FBXL17: variants seen among roughly 807,000 people sequenced by gnomAD.
FBXL17 encodes F-box/LRR-repeat protein 17.
In FBXL17, 22 loss-of-function variants were observed where a neutral mutation model predicts 66.2. That is an observed-to-expected ratio of 0.33 (90% CI 0.24 to 0.47). FBXL17 has a LOEUF of 0.47. FBXL17 is among the 20% of genes least tolerant of loss of function. The pLI, the probability that FBXL17 is intolerant of heterozygous loss-of-function variation, is 1.00. For missense variants in FBXL17, 878 were observed against 948.2 expected (o/e 0.93, Z 0.97); for synonymous variants, 474 against 400.5 (o/e 1.18, Z -2.19).
At chr5:108,042,421 C>T (rs1372564628) in intron 6 of FBXL17, among the ~76,000 whole-genome samples, 1 of 152,142 alleles carries the variant, frequency 6.6e-6, no homozygotes, top group African/African-American at 2.4e-5. Context: ...TTCCTCCCAC[C>T]CCTACATCTT....
chr5:107,863,135 CA>C (rs1437102688), intron 8 of FBXL17, among the ~76,000 whole-genome samples: 4 of 151,292 alleles, frequency 2.6e-5, no homozygotes, highest in Non-Finnish European at 5.9e-5. Context: ...AAAGCTAAAA[CA>C]ATTTTGAATA....
chr5:107,896,851 T>C (rs1359667909), intron 7 of FBXL17, among the ~76,000 whole-genome samples: 3 of 39,184 alleles, frequency 7.7e-5, no homozygotes, highest in African/African-American at 3.1e-4. Context: ...GCATGAAAAT[T>C]TGGCATTTTT....
chr5:108,044,200 T>A (rs1366650473), intron 6 of FBXL17, among the ~76,000 whole-genome samples: 1 of 152,146 alleles, frequency 6.6e-6, no homozygotes, highest in African/African-American at 2.4e-5. Flanking sequence ...CTGCACTGGC[T>A]AGAACTTCCA....
intron 6 of FBXL17, among the ~76,000 whole-genome samples, chr5:108,116,222 G>T (rs1750241401): frequency 6.6e-6 from 1 of 152,138 alleles, no homozygotes. Flanking sequence ...CTAAAGAATA[G>T]TGGTCTAGGA....
At chr5:108,044,085 A>G (rs1747152122) in intron 6 of FBXL17, among the ~76,000 whole-genome samples, 1 of 152,186 alleles carries the variant, frequency 6.6e-6, no homozygotes, top group South Asian at 2.1e-4. Context: ...ATGTTTTTAT[A>G]CATTCCTTAG....
rs148555565 is a variant in FBXL17 at position 107,917,473 on chromosome 5, C to T, written c.1823-36294G>A. 2.6e-3 allele frequency among the ~76,000 whole-genome samples: 399 copies of T among 152,162 alleles called. 1 individual carries two copies. The highest frequency in any genetic ancestry group is 3.1e-3 in the Non-Finnish European group (212 of 68,000). ...AAAAATGAACCAAGAGTGTGCCTTC[C>T]ACAAGTCTGCTTCTTAATTGTAGCA... On this transcript the variant is annotated intron_variant, in intron 7 of 8. Transcript: ENST00000542267.
intron 4 of FBXL17, among the ~76,000 whole-genome samples, chr5:108,286,336 A>T (rs1335237719): frequency 6.6e-6 from 1 of 152,022 alleles, no homozygotes; most frequent in Non-Finnish European, 1.5e-5. Flanking sequence ...AAATAGAAAA[A>T]GATGAAGTCA....
chr5:108,256,810 G>A (rs1413741413), intron 4 of FBXL17, among the ~76,000 whole-genome samples: 6 of 151,300 alleles, frequency 4.0e-5, no homozygotes, highest in Admixed American at 4.0e-4. Flanking sequence ...CTCCTTCCCT[G>A]CACAAGTTTT....
At chr5:108,307,774 T>C (rs910979938) in intron 4 of FBXL17, among the ~76,000 whole-genome samples, 3 of 152,054 alleles carry the variant, frequency 2.0e-5, no homozygotes, top group Non-Finnish European at 4.4e-5. Context: ...TCTTGACCCA[T>C]TAACATAGCT....
At chr5:108,252,320 CA>C (rs1756392770) in intron 4 of FBXL17, among the ~76,000 whole-genome samples, 1 of 151,878 alleles carries the variant, frequency 6.6e-6, no homozygotes, top group Non-Finnish European at 1.5e-5. Context: ...TAAGTGTATT[CA>C]GAGCAATTAA....
chr5:108,036,863 T>G (rs1028436215), intron 6 of FBXL17, among the ~76,000 whole-genome samples: 1 of 152,240 alleles, frequency 6.6e-6, no homozygotes, highest in Non-Finnish European at 1.5e-5. Context: ...TTCAGAATAC[T>G]ACTTTTGTTA....
chr5:108,186,763 G>A (rs971660519), intron 5 of FBXL17, among the ~76,000 whole-genome samples: 24 of 145,166 alleles, frequency 1.7e-4, no homozygotes, highest in Non-Finnish European at 2.2e-4. Flanking sequence ...GTGAGACTGC[G>A]TATCAAAAAA....
At chr5:107,926,292 C>T (rs969731000) in intron 7 of FBXL17, among the ~76,000 whole-genome samples, 4 of 152,102 alleles carry the variant, frequency 2.6e-5, no homozygotes, top group East Asian at 3.9e-4. Flanking sequence ...TAACCCTATA[C>T]TATTCTCAAT....
intron 1 of FBXL17, among the ~76,000 whole-genome samples, chr5:108,370,671 A>AGGCG (rs1264155976): frequency 6.6e-6 from 1 of 151,928 alleles, no homozygotes; most frequent in Admixed American, 6.6e-5. Context: ...TGAACCTGGA[A>AGGCG]GGCGAAGGTT....
intron 6 of FBXL17, among the ~76,000 whole-genome samples, chr5:108,093,706 T>A (rs550473173): frequency 8.5e-5 from 13 of 152,328 alleles, no homozygotes; most frequent in African/African-American, 3.1e-4. Flanking sequence ...CGGCAAAGAT[T>A]ATACGCAGAC....
intron 5 of FBXL17, among the ~76,000 whole-genome samples, chr5:108,210,277 A>AT (rs1232327789): frequency 2.6e-5 from 4 of 151,810 alleles, no homozygotes; most frequent in South Asian, 2.1e-4. Context: ...GGATTCATTG[A>AT]TTTTTTGAAG....
chr5:107,886,162 T>C (rs1748964063), intron 7 of FBXL17, among the ~76,000 whole-genome samples: 1 of 152,158 alleles, frequency 6.6e-6, no homozygotes, highest in African/African-American at 2.4e-5. Flanking sequence ...GCAAGTAAAT[T>C]TGTCACAGGA....
intron 4 of FBXL17, chr5:108,298,669 A>G: frequency 1.2e-6 from 1 of 839,478 alleles, no homozygotes; most frequent in South Asian, 5.5e-5. Context: ...ATATAGTAAT[A>G]TACTATCTTC....
At chr5:108,157,904 T>A (rs1038536698) in intron 6 of FBXL17, among the ~76,000 whole-genome samples, 7 of 152,082 alleles carry the variant, frequency 4.6e-5, no homozygotes, top group Non-Finnish European at 8.8e-5. Flanking sequence ...CATTGCCATT[T>A]TATTTCATTT....
Sources: allele counts gnomAD v4.1 joint callset (sites outside exome capture counted in the v4.1 genomes callset), GRCh38; gene constraint gnomAD v4.1.1; transcripts MANE v1.5; gene names NCBI Gene and HGNC (gene_info 2026-07-23, HGNC 2026-07-21).